The following LIN7A variants were observed in gnomAD, a reference collection of about 807,000 sequenced individuals.
LIN7A encodes protein lin-7 homolog A.
In LIN7A, 25 loss-of-function variants were observed where a neutral mutation model predicts 29.8. That is an observed-to-expected ratio of 0.84 (90% CI 0.61 to 1.17). The LOEUF (loss-of-function observed/expected upper bound fraction) is 1.17. Ranked by LOEUF, LIN7A falls within the 50% of genes most tolerant of loss-of-function variation. The pLI, the probability that LIN7A is intolerant of heterozygous loss-of-function variation, is 0.00. For synonymous variants in LIN7A, 118 were observed against 107.5 expected, an observed-to-expected ratio of 1.10 and a Z score of -0.60; for missense variants, 239 against 287.0, an observed-to-expected ratio of 0.83 and a Z score of 1.21.
chr12:80,818,261 C>T (rs1319219007), intron 4 of LIN7A, among the ~76,000 whole-genome samples: 1 of 152,124 alleles, frequency 6.6e-6, no homozygotes, highest in Non-Finnish European at 1.5e-5. Flanking sequence ...CCATGAAGTT[C>T]TTTCACTATC....
chr12:80,829,819 T>G (rs937506791), intron 4 of LIN7A, among the ~76,000 whole-genome samples: 1 of 152,224 alleles, frequency 6.6e-6, no homozygotes, highest in African/African-American at 2.4e-5. Flanking sequence ...CATAATGAGA[T>G]AGATACTAAT....
rs1321889776 is a variant in LIN7A at position 80,937,911 on chromosome 12, C to G, written c.-189G>C. 1 of 445,490 alleles carries G rather than the reference C, an allele frequency of 2.2e-6. No individual in the cohort carries two copies. Among genetic ancestry groups the G allele is most frequent in the Non-Finnish European group, 4.0e-6 (1 of 251,246 alleles). 27.6% of individuals were successfully genotyped at this position (445,490 alleles called of 1,614,324 possible). A position where few individuals can be genotyped will look rare whatever the true frequency, so the allele number is the denominator to read the frequency against. ...GCAGATCTTCAGTTGCGGTGCGGAG[C>G]TGAGCAGGTATCCGAGAGCGACTGC... On this transcript the variant is annotated 5_prime_UTR_variant, in exon 1 of 6. Transcript: ENST00000552864.
At chr12:80,908,737 C>G (rs1479061238) in intron 1 of LIN7A, among the ~76,000 whole-genome samples, 1 of 151,994 alleles carries the variant, frequency 6.6e-6, no homozygotes, top group East Asian at 1.9e-4. Flanking sequence ...TCTCTAAATA[C>G]TAATGATGTT....
intron 2 of LIN7A, among the ~76,000 whole-genome samples, chr12:80,857,539 A>AG (rs1873664654): frequency 1.3e-5 from 2 of 152,076 alleles, no homozygotes; most frequent in Admixed American, 1.3e-4. Flanking sequence ...CAACTACATG[A>AG]CTCAGACATT....
chr12:80,804,929 G>T (rs1371836838), intron 5 of LIN7A, among the ~76,000 whole-genome samples: 1 of 150,274 alleles, frequency 6.7e-6, no homozygotes, highest in East Asian at 1.9e-4. Context: ...CCATTCATCT[G>T]TTGATGGACA....
chr12:80,906,582 C>T (rs1876485354), intron 1 of LIN7A, among the ~76,000 whole-genome samples: 1 of 151,914 alleles, frequency 6.6e-6, no homozygotes, highest in South Asian at 2.1e-4. Flanking sequence ...GTGTCTGGCT[C>T]CTGTCTAATC....
At chr12:80,863,467 T>G (rs1873978752) in intron 2 of LIN7A, among the ~76,000 whole-genome samples, 1 of 152,186 alleles carries the variant, frequency 6.6e-6, no homozygotes, top group Non-Finnish European at 1.5e-5. Flanking sequence ...GCACATAAAC[T>G]TAGCCAAGCC....
intron 1 of LIN7A, among the ~76,000 whole-genome samples, chr12:80,899,122 T>C (rs1450848602): frequency 6.6e-6 from 1 of 152,208 alleles, no homozygotes. Context: ...GGGTTTTTCA[T>C]AGATGGCTCT....
At chr12:80,871,489 T>C (rs1020278197) in intron 2 of LIN7A, among the ~76,000 whole-genome samples, 2 of 152,152 alleles carry the variant, frequency 1.3e-5, no homozygotes, top group Non-Finnish European at 2.9e-5. Context: ...AAATTAGCTA[T>C]TGCATTGAGG....
At chr12:80,855,934 A>T (rs1277655683) in intron 2 of LIN7A, among the ~76,000 whole-genome samples, 1 of 152,088 alleles carries the variant, frequency 6.6e-6, no homozygotes, top group African/African-American at 2.4e-5. Context: ...CCACATATAA[A>T]TTTTATATAT....
chr12:80,803,217 T>C (rs1870805039), intron 5 of LIN7A, among the ~76,000 whole-genome samples: 1 of 152,184 alleles, frequency 6.6e-6, no homozygotes, highest in African/African-American at 2.4e-5. Context: ...CAAACCAATG[T>C]TGTGGAGCGT....
intron 5 of LIN7A, among the ~76,000 whole-genome samples, chr12:80,807,063 G>GTTTTTTTTTGGTTTTTTTTT (rs374349839): frequency 1.9e-5 from 1 of 53,592 alleles, no homozygotes; most frequent in African/African-American, 8.7e-5. Context: ...TGAAGATGGA[G>GTTTTTTTTTGGTTTTTTTTT]TTTTTTTTTT....
chr12:80,881,611 A>C (rs1185245013), intron 2 of LIN7A, among the ~76,000 whole-genome samples: 1 of 143,810 alleles, frequency 7.0e-6, no homozygotes, highest in East Asian at 2.1e-4. Flanking sequence ...AAAGCAAAGA[A>C]AACAAAATAA....
chr12:80,925,446 G>A (rs115530219), intron 1 of LIN7A, among the ~76,000 whole-genome samples: 1,860 of 152,256 alleles, frequency 0.012, 33 homozygotes, highest in African/African-American at 0.035. Context: ...CTTGTCTCTT[G>A]GCAGGAGGGT....
chr12:80,838,028 C>T (rs989503691), intron 4 of LIN7A, among the ~76,000 whole-genome samples: 3 of 152,064 alleles, frequency 2.0e-5, no homozygotes, highest in Non-Finnish European at 4.4e-5. Flanking sequence ...AAGGAAAACA[C>T]AAACAATAAA....
chr12:80,910,309 A>G (rs574203177), intron 1 of LIN7A, among the ~76,000 whole-genome samples: 1 of 152,282 alleles, frequency 6.6e-6, no homozygotes, highest in African/African-American at 2.4e-5. Context: ...CTCCATAGAC[A>G]ATCATATTGT....
chr12:80,834,477 A>C (rs773707613), intron 4 of LIN7A, among the ~76,000 whole-genome samples: 10 of 152,198 alleles, frequency 6.6e-5, no homozygotes, highest in Non-Finnish European at 1.5e-4. Context: ...GGCTGTGATA[A>C]AATTAGCAAC....
intron 2 of LIN7A, among the ~76,000 whole-genome samples, chr12:80,878,346 C>A (rs999870183): frequency 6.6e-6 from 1 of 152,134 alleles, no homozygotes; most frequent in East Asian, 1.9e-4. Flanking sequence ...AAATTCTGTT[C>A]CCCATGGGTG....
At position 80,889,358 on chromosome 12, in the gene LIN7A, C is replaced by G. The variant is rs1294610535; in HGVS notation, c.94G>C (p.Ala32Pro). The change falls in exon 2 of 6, where the codon GCA becomes CCA. Residue 32 changes from alanine (A) to proline (P), a missense_variant. Physicochemically the swap from Ala to Pro is conservative, Grantham distance 27. Coordinates refer to ENST00000552864, the MANE Select transcript of LIN7A (RefSeq NM_004664.4). ...TGTAGTTTTTCCAGTAATTCAATTG[C>G]TCTTGCAACATCTGAATGAAAAAAA... ...PLTLDRDVAR[A>P]IELLEKLQES... 6.3e-7 allele frequency: 1 copy of G among 1,596,406 alleles called. No individual in the cohort carries two copies. The highest frequency in any genetic ancestry group is 8.6e-7 in the Non-Finnish European group (1 of 1,164,708).
Sources: allele counts gnomAD v4.1 joint callset (sites outside exome capture counted in the v4.1 genomes callset), GRCh38; gene constraint gnomAD v4.1.1; transcripts MANE v1.5; gene names NCBI Gene and HGNC (gene_info 2026-07-23, HGNC 2026-07-21).